STAT6: variants seen among roughly 807,000 people sequenced by gnomAD.
The protein encoded by STAT6 is STAT, interleukin4-induced.
In STAT6, 45 loss-of-function variants were observed where a neutral mutation model predicts 106.3. That is an observed-to-expected ratio of 0.42 (90% CI 0.33 to 0.54). The LOEUF is 0.54. Ranked by LOEUF, STAT6 falls within the 20% of genes least tolerant of loss-of-function variation. STAT6 has a pLI of 0.06. For missense variants in STAT6, 797 were observed against 1,062.2 expected (o/e 0.75, Z 3.47); for synonymous variants, 413 against 413.6 (o/e 1.00, Z 0.02).
Position 57,099,484 on chromosome 12 carries a change from C to G in STAT6, c.1745-44G>C, listed in dbSNP as rs779087356. 5.9e-5 allele frequency: 95 copies of G among 1,612,380 alleles called. No individual in the cohort carries two copies. The highest frequency in any genetic ancestry group is 5.1e-6 in the Non-Finnish European group (6 of 1,178,954). On this transcript the variant is annotated intron_variant, in intron 15 of 21. Transcript: ENST00000300134. This position sits in a 1 kb window ranked among gnomAD's most constrained non-coding sequence, Gnocchi z 4.7. ...CCTGAGATCCCTCTGTCCGGACTTT[C>G]TTCCCCTTCCCCAACCCCTACCATA...
chr12:57,106,479 C>T (rs2136610871), intron 6 of STAT6, 49 bp downstream of exon 6: 9 of 1,612,182 alleles, frequency 5.6e-6, no homozygotes, highest in Non-Finnish European at 6.8e-6. Flanking sequence ...GCTTCCATCC[C>T]TCCAGCTGCA....
At position 57,097,094 on chromosome 12, in the gene STAT6, G is replaced by A. The variant is rs1370569582; in HGVS notation, c.2199C>T (p.Ser733=). Residue 733 remains serine (S), a synonymous_variant, in exon 20 of 22, where the codon AGC becomes AGT. Coordinates refer to ENST00000300134, the MANE Select transcript of STAT6 (RefSeq NM_003153.5). The stretch of plus-strand genomic sequence containing the variant: ...GGGGGTGAGGCTGGTCAAAGGGCAG[G>A]CTCATCTGGCCCAGGCTGGGGGGCA... The part of the protein sequence containing the change: ...LQMPPSLGQM[S]LPFDQPHPQG... 3 of 1,531,498 alleles carry A rather than the reference G, an allele frequency of 2.0e-6. No individual in the cohort carries two copies. The highest frequency in any genetic ancestry group is 4.5e-5 in the East Asian group (2 of 44,072). 94.9% of individuals were successfully genotyped at this position (1,531,498 alleles called of 1,614,324 possible).
At chr12:57,100,690 A>AAGAAAG (rs2033822693) in intron 13 of STAT6, among the ~76,000 whole-genome samples, 1 of 42,236 alleles carries the variant, frequency 2.4e-5, no homozygotes, top group Non-Finnish European at 5.4e-5. Flanking sequence ...GAAAGAAAGA[A>AAGAAAG]AGAAAGAAAG....
Position 57,098,909 on chromosome 12 carries a change from G to C in STAT6, c.1956-7C>G, listed in dbSNP as rs200378618. ...GGTAGGAAGTGGTTGGTCCCTGGAGGAGGGAAGGAGGTACATGTGACTGAC... is the reference window on the plus strand; with the variant it reads ...GGTAGGAAGTGGTTGGTCCCTGGAGCAGGGAAGGAGGTACATGTGACTGAC... On this transcript the variant is annotated splice_region_variant and splice_polypyrimidine_tract_variant and intron_variant, in intron 17 of 21. Transcript: ENST00000300134. 41 of 1,613,576 alleles carry C rather than the reference G, an allele frequency of 2.5e-5. 1 individual carries two copies. In the East Asian group the frequency reaches 5.6e-4, roughly 22 times the overall value.
At chr12:57,107,502 C>G in intron 3 of STAT6, 103 bp downstream of exon 3, 3 of 1,463,930 alleles carry the variant, frequency 2.0e-6, no homozygotes, top group Non-Finnish European at 2.8e-6. Context: ...CACAGGAACA[C>G]CAATTTGCTT....
chr12:57,106,868 T>G, intron 4 of STAT6, 37 bp from the exon 5 acceptor site: 2 of 1,610,740 alleles, frequency 1.2e-6, no homozygotes, highest in Non-Finnish European at 8.5e-7. Context: ...AGTGAAACAC[T>G]CTGCTCATCC....
intron 13 of STAT6, 125 bp downstream of exon 13, chr12:57,102,158 GCCTTCCT>G: frequency 1.0e-6 from 1 of 974,750 alleles, no homozygotes; most frequent in Non-Finnish European, 1.6e-6. Context: ...TCCATGACAG[GCCTTCCT>G]AAAGGACCTG....
chr12:57,100,017 A>G lies in STAT6; in HGVS notation c.1586T>C (p.Leu529Pro), dbSNP rs1192075396. ...TCACCGGTCAGACCAGTAGCTCCGG[A>G]GACAGCGTTTGGTGAGGTCCAGGAC... ...DGVLDLTKRC[L>P]RSYWSDRLII... Residue 529 changes from leucine (L) to proline (P), a missense_variant, in exon 14 of 22, where the codon CTC (leucine) becomes CCC (proline). Transcript: ENST00000300134. 6.2e-7 allele frequency: 1 copy of G among 1,613,414 alleles called. No homozygotes were observed. Among genetic ancestry groups the G allele is most frequent in the Admixed American group, 1.7e-5 (1 of 59,888 alleles).
intron 1 of STAT6, among the ~76,000 whole-genome samples, chr12:57,109,773 C>T (rs1056576695): frequency 6.6e-6 from 1 of 152,084 alleles, no homozygotes; most frequent in Non-Finnish European, 1.5e-5. Flanking sequence ...ATCCCCATTT[C>T]CAGGTTCAGG....
Position 57,099,211 on chromosome 12 carries a change from ACG to A in STAT6, c.1891+81_1891+82del. On this transcript the variant is annotated intron_variant, in intron 16 of 21. Coordinates refer to ENST00000300134, the MANE Select transcript of STAT6 (RefSeq NM_003153.5). The surrounding 1 kb of genome is among the most constrained non-coding windows in gnomAD (Gnocchi z 4.7). ...AAATAGGGAGTGACATCAGGATGAC[ACG>A]CGGGCAGGGAGAGGAGGGCAGCGGG... The A allele has an allele frequency of 5.0e-6, 8 of 1,602,374 alleles. No homozygotes were observed. The highest frequency in any genetic ancestry group is 6.8e-6 in the Non-Finnish European group (8 of 1,170,338).
At position 57,105,554 on chromosome 12, in the gene STAT6, T is replaced by C; in HGVS notation, c.726A>G (p.Val242=). The part of the protein sequence containing the change: ...VDIYSQLQQE[V]GAAGGELEPK... ...GCTCAAGCTCCCCACCAGCCGCCCC[T>C]ACCTCCTGCTGTAGCTGGGAATAAA... Residue 242 remains valine (V), a synonymous_variant, in exon 8 of 22, where the codon GTA becomes GTG. Transcript: ENST00000300134. 6.2e-7 allele frequency: 1 copy of C among 1,614,016 alleles called. No homozygotes were observed. The highest frequency in any genetic ancestry group is 2.2e-5 in the East Asian group (1 of 44,882).
At chr12:57,103,118 C>T (rs2034057018) in intron 11 of STAT6, 197 bp from the exon 12 acceptor site, 5 of 483,196 alleles carry the variant, frequency 1.0e-5, no homozygotes, top group African/African-American at 2.0e-5. Flanking sequence ...ACCTCAGCCT[C>T]CTGAATAGCT....
At chr12:57,104,946 G>T (rs1168161356) in intron 9 of STAT6, 133 bp from the exon 10 acceptor site, 2 of 1,245,172 alleles carry the variant, frequency 1.6e-6, no homozygotes, top group Non-Finnish European at 2.3e-6. Context: ...CTTAAGGGAG[G>T]AGTCCCCATC....
At chr12:57,104,208 T>C (rs1476104116) in intron 11 of STAT6, 1 of 496,874 alleles carries the variant, frequency 2.0e-6, no homozygotes, top group African/African-American at 1.9e-5. Context: ...GGCACGCATG[T>C]GCGTATGTAT....
At chr12:57,101,213 C>G (rs553590685) in intron 13 of STAT6, among the ~76,000 whole-genome samples, 1 of 151,778 alleles carries the variant, frequency 6.6e-6, no homozygotes, top group Admixed American at 6.6e-5. Context: ...CTCAGCCTCC[C>G]GAGTAGTTGG....
At chr12:57,104,959 G>A (rs2034179701) in intron 9 of STAT6, 146 bp from the exon 10 acceptor site, 1 of 1,212,272 alleles carries the variant, frequency 8.2e-7, no homozygotes, top group African/African-American at 1.5e-5. Context: ...TCCCCATCTT[G>A]GCCAAATCAT....
At chr12:57,101,011 C>T (rs997723263) in intron 13 of STAT6, 4 of 280,646 alleles carry the variant, frequency 1.4e-5, no homozygotes, top group Admixed American at 4.0e-5. Context: ...GCTGTCAACA[C>T]GTGGTAGCTG....
rs572250761 is a variant in STAT6, at chr12:57,103,014, T to A, written c.1213-93A>T. ...TTTTTTTTTTTTTTTTTTTTTTTTTTAGATAGTATCTCACTCTGTTGCCCA... is the reference window on the plus strand; with the variant it reads ...TTTTTTTTTTTTTTTTTTTTTTTTTAAGATAGTATCTCACTCTGTTGCCCA... On this transcript the variant is annotated intron_variant, in intron 11 of 21. Transcript: ENST00000300134. The A allele has an allele frequency of 9.4e-4, 634 of 676,722 alleles. 29 individuals carry two copies. The Admixed American group carries it at 0.013, about 14-fold the overall frequency. 41.9% of individuals were successfully genotyped at this position (676,722 alleles called of 1,614,324 possible).
Position 57,106,298 on chromosome 12 carries a change from C to T in STAT6, c.573G>A (p.Glu191=), listed in dbSNP as rs1443390308. ...MLLQETTGEL[E]AAKALVLKRI... ...TCTTCAGCACTAGGGCTTTGGCTGC[C>T]TCTAGCTCTCCAGTGGTCTCCTGCA... Residue 191 remains glutamate (E), a synonymous_variant, in exon 7 of 22, where the codon GAG becomes GAA. Transcript: ENST00000300134. The T allele has an allele frequency of 1.2e-6, 2 of 1,614,148 alleles. No individual in the cohort carries two copies. Among genetic ancestry groups the T allele is most frequent in the African/African-American group, 2.7e-5 (2 of 74,956 alleles).
Sources: gnomAD v4.1 joint callset for allele counts (sites outside exome capture counted in the v4.1 genomes callset) on GRCh38, gnomAD v4.1.1 for gene constraint, Gnocchi (gnomAD v3.1) non-coding constraint, MANE v1.5 for transcripts, NCBI Gene and HGNC (gene_info 2026-07-23, HGNC 2026-07-21) for gene names.